The following USP3 variants were observed in gnomAD, a reference collection of about 807,000 sequenced individuals.
USP3 encodes the protein ubiquitin specific peptidase 3.
In USP3, 20 loss-of-function variants were observed where a neutral mutation model predicts 72.3. That is an observed-to-expected ratio of 0.28 (90% CI 0.19 to 0.40). The LOEUF (loss-of-function observed/expected upper bound fraction) is 0.40. Ranked by LOEUF, USP3 falls within the 10% of genes least tolerant of loss-of-function variation. USP3 has a pLI of 1.00. For missense variants in USP3, 479 were observed against 633.9 expected (o/e 0.76, Z 2.62); for synonymous variants, 222 against 225.3 (o/e 0.99, Z 0.13).
At chr15:63,537,200 A>G (rs1595724652) in intron 3 of USP3, 44 bp downstream of exon 3, 1 of 1,588,190 alleles carries the variant, frequency 6.3e-7, no homozygotes, top group Admixed American at 1.7e-5. Flanking sequence ...ACTGTGTGCA[A>G]GTGTGCTCTC....
At chr15:63,515,155 G>A (rs868561728) in intron 1 of USP3, among the ~76,000 whole-genome samples, 6 of 152,122 alleles carry the variant, frequency 3.9e-5, no homozygotes, top group Middle Eastern at 6.8e-3. Flanking sequence ...CTTTCCCCTC[G>A]TTTAGAGGTA....
At chr15:63,550,241 A>C (rs764240934) in intron 3 of USP3, among the ~76,000 whole-genome samples, 2 of 152,124 alleles carry the variant, frequency 1.3e-5, no homozygotes, top group South Asian at 4.1e-4. Context: ...AATGGTCTTG[A>C]TCTCTTTACC....
In USP3 at chr15:63,548,747, G is replaced by A. The variant is rs140830297; in HGVS notation, c.285-4968G>A. 2.0e-3 allele frequency among the ~76,000 whole-genome samples: 308 copies of A among 152,036 alleles called. 1 individual carries two copies. The highest frequency in any genetic ancestry group is 6.5e-3 in the African/African-American group (270 of 41,458). Reference sequence around the variant, plus strand: ...CAAGAGTCTGACTTTATTGCCTAGTGGAGTGGCATGATCTCTGCTCACTGC... The same window carrying A: ...CAAGAGTCTGACTTTATTGCCTAGTAGAGTGGCATGATCTCTGCTCACTGC... On this transcript the variant is annotated intron_variant, in intron 3 of 14. Coordinates refer to ENST00000380324, the MANE Select transcript of USP3 (RefSeq NM_006537.4).
At chr15:63,514,503 C>T (rs758197895) in intron 1 of USP3, among the ~76,000 whole-genome samples, 38 of 151,976 alleles carry the variant, frequency 2.5e-4, no homozygotes, top group Non-Finnish European at 3.1e-4. Flanking sequence ...AAATAAGTCC[C>T]GTTGATTTTA....
intron 3 of USP3, among the ~76,000 whole-genome samples, chr15:63,538,580 T>C (rs1049524901): frequency 2.7e-5 from 4 of 149,966 alleles, no homozygotes; most frequent in Non-Finnish European, 5.9e-5. Flanking sequence ...ACAGTCTTGC[T>C]CTGTCGCCCA....
chr15:63,552,851 A>G (rs2066455944), intron 3 of USP3, among the ~76,000 whole-genome samples: 2 of 152,172 alleles, frequency 1.3e-5, no homozygotes, highest in Admixed American at 1.3e-4. Context: ...TCAGAATGGC[A>G]GTGTTATTTT....
chr15:63,572,234 C>T (rs4556742), intron 9 of USP3, among the ~76,000 whole-genome samples: 102,367 of 151,774 alleles, frequency 0.67, 35,715 homozygotes, highest in Non-Finnish European at 0.73. Context: ...TATCCATTTC[C>T]CAGAGGAAGT....
At chr15:63,537,214 C>T in intron 3 of USP3, 58 bp downstream of exon 3, 2 of 1,545,974 alleles carry the variant, frequency 1.3e-6, no homozygotes, top group South Asian at 2.5e-5. Flanking sequence ...TGCTCTCCTC[C>T]CCTCCCTTCC....
intron 11 of USP3, among the ~76,000 whole-genome samples, chr15:63,575,045 C>T (rs962334237): frequency 6.6e-6 from 1 of 151,648 alleles, no homozygotes; most frequent in Non-Finnish European, 1.5e-5. Flanking sequence ...GAGGCCGAGT[C>T]TGTATTTTAT....
chr15:63,583,162 G>A (rs2066994231), intron 11 of USP3, among the ~76,000 whole-genome samples: 1 of 152,184 alleles, frequency 6.6e-6, no homozygotes, highest in Non-Finnish European at 1.5e-5. Context: ...GCTTCTCAGT[G>A]TTGTGTGGCT....
intron 11 of USP3, among the ~76,000 whole-genome samples, chr15:63,581,156 G>A (rs2066951299): frequency 6.6e-6 from 1 of 152,066 alleles, no homozygotes; most frequent in South Asian, 2.1e-4. Context: ...TGTGAGCTCT[G>A]AGGTGAAATT....
rs748329555 is a variant in USP3, at chr15:63,588,900, A to G, written c.1330-44A>G. ...CATGGAGAGGGTAGAGGTCATCGAG[A>G]TACTGATGTCATTGACCACTGCTCC... On this transcript the variant is annotated intron_variant, in intron 13 of 14. Transcript: ENST00000380324. The surrounding 1 kb of genome is among the most constrained non-coding windows in gnomAD (Gnocchi z 4.6). 4.3e-6 allele frequency: 7 copies of G among 1,613,286 alleles called. No individual in the cohort carries two copies. Among genetic ancestry groups the G allele is most frequent in the South Asian group, 3.3e-5 (3 of 91,060 alleles).
intron 11 of USP3, among the ~76,000 whole-genome samples, chr15:63,580,822 T>C (rs2066944457): frequency 6.6e-6 from 1 of 151,952 alleles, no homozygotes; most frequent in Non-Finnish European, 1.5e-5. Flanking sequence ...TAGTAGACTC[T>C]TTTTGAGATG....
chr15:63,510,225 T>C (rs1282418951), intron 1 of USP3, among the ~76,000 whole-genome samples: 1 of 152,168 alleles, frequency 6.6e-6, no homozygotes, highest in African/African-American at 2.4e-5. Flanking sequence ...GTGAGTAATT[T>C]AGTGTGTAGC....
At chr15:63,512,847 CTG>C (rs973669923) in intron 1 of USP3, among the ~76,000 whole-genome samples, 5 of 152,162 alleles carry the variant, frequency 3.3e-5, no homozygotes, top group South Asian at 4.1e-4. Flanking sequence ...ATTTTGAAAA[CTG>C]TTGAAATTAA....
At chr15:63,545,627 C>G (rs1328195291) in intron 3 of USP3, among the ~76,000 whole-genome samples, 1 of 151,528 alleles carries the variant, frequency 6.6e-6, no homozygotes, top group African/African-American at 2.4e-5. Context: ...ATACTGCTTT[C>G]TTTCTATTAA....
chr15:63,538,718 T>C (rs2066197517), intron 3 of USP3, among the ~76,000 whole-genome samples: 1 of 151,998 alleles, frequency 6.6e-6, no homozygotes, highest in South Asian at 2.1e-4. Flanking sequence ...GCTAATTTTT[T>C]TGTATTTTTA....
rs1381562339 is a variant in USP3, at chr15:63,529,039, T to C, written c.92-3608T>C. 2.3e-6 allele frequency: 3 copies of C among 1,289,064 alleles called. No individual in the cohort carries two copies. The South Asian group carries it at 3.7e-5, about 16-fold the overall frequency. The allele number at this position is 1,289,064 out of a possible 1,614,324, so 79.9% of individuals were successfully genotyped here. A position where few individuals can be genotyped will look rare whatever the true frequency, so the allele number is the denominator to read the frequency against. The stretch of plus-strand genomic sequence containing the variant: ...CCTTCAAATGTTTATCTGGTGTGAC[T>C]GTATTATGCCCTCAGAGAGTACTGT... On this transcript the variant is annotated intron_variant, in intron 1 of 14. Coordinates refer to ENST00000380324, the MANE Select transcript of USP3 (RefSeq NM_006537.4). This position sits in a 1 kb window ranked among gnomAD's most constrained non-coding sequence, Gnocchi z 4.2.
chr15:63,550,322 C>T (rs899100448), intron 3 of USP3, among the ~76,000 whole-genome samples: 3 of 152,166 alleles, frequency 2.0e-5, no homozygotes, highest in African/African-American at 2.4e-5. Flanking sequence ...CCGGCCTGAA[C>T]AATTTTAATA....
Sources: allele counts gnomAD v4.1 joint callset (sites outside exome capture counted in the v4.1 genomes callset), GRCh38; gene constraint gnomAD v4.1.1; non-coding constraint Gnocchi (gnomAD v3.1); transcripts MANE v1.5; gene names NCBI Gene and HGNC (gene_info 2026-07-23, HGNC 2026-07-21).